The following ITSN2 variants were observed in gnomAD, a reference collection of about 807,000 sequenced individuals.
ITSN2 encodes intersectin-2.
Under a neutral mutation model 243.7 loss-of-function variants are expected in ITSN2, and 156 were observed. That is an observed-to-expected ratio of 0.64 (90% confidence interval 0.56 to 0.73). ITSN2 has a LOEUF of 0.73. ITSN2 is among the 30% of genes least tolerant of loss of function. The pLI is 0.00. For synonymous variants in ITSN2, 703 were observed against 699.9 expected (o/e 1.00, Z -0.07); for missense variants, 1,801 against 1,996.1 (o/e 0.90, Z 1.86).
rs751456833 is a variant in ITSN2, at chr2:24,216,222, C to A, written c.3817G>T (p.Val1273Leu). ...SNTKLLKALR[V>L]RKKTGGEKMP... is the part of the protein sequence containing the mutation. ...TTCTCGCCCCCGGTCTTCTTCCGCACCCGCAAAGCCCTGCCAAGAACACAC... is the reference window on the plus strand; with the variant it reads ...TTCTCGCCCCCGGTCTTCTTCCGCAACCGCAAAGCCCTGCCAAGAACACAC... Residue 1273 changes from valine to leucine, a missense_variant, in exon 32 of 40, where the codon GTG becomes TTG. By Grantham distance (32) the Val-to-Leu change is conservative. This residue lies in a region of ITSN2 where 928 missense variants were observed against 1,065.4 expected (regional missense o/e 0.87). Transcript: ENST00000355123. 1.3e-6 allele frequency: 2 copies of A among 1,598,252 alleles called. No individual in the cohort carries two copies. The highest frequency in any genetic ancestry group is 4.5e-5 in the East Asian group (2 of 44,200).
At chr2:24,285,487 AAGCTTTATTTCTTACAGAGAAT>A (rs1431381001) in intron 16 of ITSN2, among the ~76,000 whole-genome samples, 1 of 152,216 alleles carries the variant, frequency 6.6e-6, no homozygotes, top group Non-Finnish European at 1.5e-5. Context: ...GCTTTATGAA[AAGCTTTATTTCTTACAGAGAAT>A]AGCTTATGCT....
chr2:24,357,759 T>C (rs1350527727), intron 1 of ITSN2, among the ~76,000 whole-genome samples: 2 of 152,238 alleles, frequency 1.3e-5, no homozygotes, highest in African/African-American at 4.8e-5. Context: ...ACATTTTTGG[T>C]AATGTAACTC....
At chr2:24,220,469 C>T in intron 30 of ITSN2, 1 of 991,684 alleles carries the variant, frequency 1.0e-6, no homozygotes, top group Non-Finnish European at 1.2e-6. Flanking sequence ...CAATATGCTC[C>T]CATTGGGTTT....
chr2:24,350,435 C>T (rs1311387307), intron 1 of ITSN2, among the ~76,000 whole-genome samples: 4 of 152,114 alleles, frequency 2.6e-5, no homozygotes, highest in African/African-American at 9.7e-5. Context: ...AAATGTTAAA[C>T]ATAGGTTACC....
intron 23 of ITSN2, among the ~76,000 whole-genome samples, chr2:24,257,252 C>T (rs536926302): frequency 1.3e-5 from 2 of 151,840 alleles, no homozygotes; most frequent in African/African-American, 4.8e-5. Context: ...GCTGGGTGGT[C>T]GAGGCTGCAG....
At chr2:24,300,816 C>T (rs1420079997) in intron 11 of ITSN2, among the ~76,000 whole-genome samples, 2 of 152,116 alleles carry the variant, frequency 1.3e-5, no homozygotes, top group Non-Finnish European at 1.5e-5. Context: ...AAAACAGCTA[C>T]AAATGTATTC....
chr2:24,279,335 C>A (rs1376378351), intron 17 of ITSN2, among the ~76,000 whole-genome samples: 1 of 152,218 alleles, frequency 6.6e-6, no homozygotes, highest in Admixed American at 6.5e-5. Flanking sequence ...CCTCTATGGA[C>A]AAGCATTTCC....
intron 1 of ITSN2, chr2:24,330,415 A>G: frequency 1.6e-6 from 1 of 608,872 alleles, no homozygotes; most frequent in Non-Finnish European, 3.1e-6. Flanking sequence ...CCCAAGAGAA[A>G]GGGTGAAGGG....
Position 24,252,338 on chromosome 2 carries a change from A to G in ITSN2, c.3120+7T>C. ...ACCAGAATGGGTTGATTTTAATATC[A>G]AAATACCTCTTGATCCTTTGGTTTG... On this transcript the variant is annotated splice_region_variant and intron_variant, in intron 25 of 39. Coordinates refer to ENST00000355123, the MANE Select transcript of ITSN2 (RefSeq NM_006277.3). The G allele has an allele frequency of 6.3e-7, 1 of 1,599,588 alleles. No individual in the cohort carries two copies. Among genetic ancestry groups the G allele is most frequent in the Non-Finnish European group, 8.6e-7 (1 of 1,169,390 alleles).
chr2:24,337,346 A>ATATATATATATATATATATG, intron 1 of ITSN2, among the ~76,000 whole-genome samples: 1 of 119,960 alleles, frequency 8.3e-6, no homozygotes, highest in South Asian at 2.5e-4. Flanking sequence ...ATATATATAT[A>ATATATATATATATATATATG]TATATATGTA....
Position 24,286,346 on chromosome 2 carries a change from C to A in ITSN2, c.1729G>T (p.Gly577Trp). ...NMQFSNTPDS[G>W]VSLLHKKSLE... ...GATTTTTTATGAAGTAAACTGACCC[C>A]TGAATCTGAAAAACAAACATCAGAC... Residue 577 changes from glycine to tryptophan, a missense_variant, in exon 16 of 40, where the codon GGG becomes TGG. Gly to Trp is a radical substitution (Grantham distance 184, BLOSUM62 -2). Coordinates refer to ENST00000355123, the MANE Select transcript of ITSN2 (RefSeq NM_006277.3). 6.2e-7 allele frequency: 1 copy of A among 1,610,502 alleles called. No individual in the cohort carries two copies. The highest frequency in any genetic ancestry group is 1.1e-5 in the South Asian group (1 of 90,506).
chr2:24,312,405 T>C, intron 4 of ITSN2, 30 bp from the exon 5 acceptor site: 2 of 1,530,004 alleles, frequency 1.3e-6, no homozygotes, highest in Middle Eastern at 1.7e-4. Context: ...GGTAGATTGC[T>C]ATGTGGTGTG....
At chr2:24,268,533 C>T (rs575356702) in intron 20 of ITSN2, among the ~76,000 whole-genome samples, 9 of 151,924 alleles carry the variant, frequency 5.9e-5, no homozygotes, top group Non-Finnish European at 1.3e-4. Flanking sequence ...TGATGCTGTA[C>T]GTTCTACACA....
At chr2:24,263,692 T>G (rs1191780200) in intron 20 of ITSN2, among the ~76,000 whole-genome samples, 1 of 152,252 alleles carries the variant, frequency 6.6e-6, no homozygotes, top group Non-Finnish European at 1.5e-5. Flanking sequence ...GTATCCTTTT[T>G]GTCTGCCTTT....
chr2:24,217,753 G>T (rs1344637889), intron 31 of ITSN2, among the ~76,000 whole-genome samples, 154 bp downstream of exon 31: 1 of 152,098 alleles, frequency 6.6e-6, no homozygotes, highest in Non-Finnish European at 1.5e-5. Flanking sequence ...ACAGTCACAG[G>T]ATATTTCATA....
chr2:24,208,888 G>A (rs1414292493), intron 36 of ITSN2, among the ~76,000 whole-genome samples: 1 of 152,228 alleles, frequency 6.6e-6, no homozygotes, highest in African/African-American at 2.4e-5. Flanking sequence ...GCTGAGTGGT[G>A]TGGGGAGAGA....
At chr2:24,314,552 G>A (rs1310049196) in intron 3 of ITSN2, among the ~76,000 whole-genome samples, 1 of 152,200 alleles carries the variant, frequency 6.6e-6, no homozygotes, top group African/African-American at 2.4e-5. Context: ...ACTTAGCATA[G>A]CATCTGGTAT....
chr2:24,220,870 CCT>C (rs1432374053), intron 30 of ITSN2, 73 bp downstream of exon 30: 1 of 1,510,588 alleles, frequency 6.6e-7, no homozygotes, highest in African/African-American at 1.4e-5. Context: ...TGGAGGCAGC[CCT>C]GAGTCTGATG....
chr2:24,258,335 G>A (rs1046816593), intron 22 of ITSN2, among the ~76,000 whole-genome samples: 1 of 152,190 alleles, frequency 6.6e-6, no homozygotes, highest in Non-Finnish European at 1.5e-5. Flanking sequence ...CACTGGTAGA[G>A]AAGGTAAATA....
Sources: allele counts gnomAD v4.1 joint callset (sites outside exome capture counted in the v4.1 genomes callset), GRCh38; gene constraint gnomAD v4.1.1; regional missense constraint gnomAD v4.1.1; transcripts MANE v1.5; gene names NCBI Gene and HGNC (gene_info 2026-07-23, HGNC 2026-07-21).